The following EMC3 variants were observed in gnomAD, a reference collection of about 807,000 sequenced individuals.
EMC3 encodes ER membrane protein complex subunit 3.
Under a neutral mutation model 36.6 loss-of-function variants are expected in EMC3, and 13 were observed. The ratio of observed to expected loss-of-function variants is 0.35; its 90% CI spans 0.23 to 0.56. The LOEUF is 0.56. Among genes scored for constraint, EMC3 ranks in the 20% least tolerant of loss-of-function variants. The pLI, the probability that EMC3 is intolerant of heterozygous loss-of-function variation, is 0.84. For synonymous variants in EMC3, 120 were observed against 111.9 expected, an observed-to-expected ratio of 1.07 and a Z score of -0.46; for missense variants, 220 against 324.5, an observed-to-expected ratio of 0.68 and a Z score of 2.47.
chr3:9,985,100 A>G (rs1256600447), intron 1 of EMC3, among the ~76,000 whole-genome samples: 1 of 152,210 alleles, frequency 6.6e-6, no homozygotes, highest in Non-Finnish European at 1.5e-5. Context: ...CTCTCATGCC[A>G]TGTTAGAATT....
At chr3:9,966,963 T>C (rs1289049117) in intron 7 of EMC3, among the ~76,000 whole-genome samples, 1 of 152,198 alleles carries the variant, frequency 6.6e-6, no homozygotes, top group Non-Finnish European at 1.5e-5. Context: ...GTGGCATTAA[T>C]GACATTCACA....
intron 1 of EMC3, among the ~76,000 whole-genome samples, chr3:9,983,863 G>C (rs1307205552): frequency 6.6e-6 from 1 of 152,154 alleles, no homozygotes; most frequent in Non-Finnish European, 1.5e-5. Context: ...GAGTGAGACT[G>C]ATCTGAGTTC....
Position 9,977,407 on chromosome 3 carries a change from T to A in EMC3, c.195A>T (p.Gly65=). 1.2e-6 allele frequency: 2 copies of A among 1,613,102 alleles called. No homozygotes were observed. The highest frequency in any genetic ancestry group is 3.3e-4 in the Middle Eastern group (2 of 6,060). The part of the protein sequence containing the change: ...LIRSRVLREN[G]KYIPKQSFLT... ...TGAGTACCTGTTTGGGAATGTATTT[T>A]CCATTTTCCCTGAGGACTCTGCTTC... Residue 65 remains glycine, a synonymous_variant, in exon 2 of 8, where the codon GGA becomes GGT. Coordinates refer to ENST00000245046, the MANE Select transcript of EMC3 (RefSeq NM_001394674.1).
At chr3:10,008,196 G>A (rs2086284919) in intron 1 of EMC3, 22 of 359,838 alleles carry the variant, frequency 6.1e-5, no homozygotes, top group South Asian at 4.8e-4. Context: ...TCCTGTGAGA[G>A]GGCACATTCC....
At chr3:9,994,404 C>G in intron 1 of EMC3, 3 of 554,958 alleles carry the variant, frequency 5.4e-6, no homozygotes, top group Non-Finnish European at 9.9e-6. Context: ...TTGGTTGGAA[C>G]TTACTGAAGG....
intron 1 of EMC3, among the ~76,000 whole-genome samples, chr3:9,978,557 C>T (rs1293583545): frequency 2.0e-5 from 3 of 151,876 alleles, no homozygotes; most frequent in Admixed American, 6.6e-5. Flanking sequence ...AGGGGCCAGG[C>T]GCAGTGGCTC....
At chr3:9,980,815 ACT>A (rs1271040723) in intron 1 of EMC3, among the ~76,000 whole-genome samples, 1 of 151,882 alleles carries the variant, frequency 6.6e-6, no homozygotes, top group Non-Finnish European at 1.5e-5. Flanking sequence ...TTGAACAGAA[ACT>A]CTGAGAGCAG....
chr3:9,974,002 A>G (rs1475084946), intron 4 of EMC3, among the ~76,000 whole-genome samples: 1 of 152,200 alleles, frequency 6.6e-6, no homozygotes, highest in Non-Finnish European at 1.5e-5. Flanking sequence ...TGGAATATAT[A>G]AGCATAGAAT....
intron 3 of EMC3, 25 bp downstream of exon 3, chr3:9,976,932 A>C (rs764281459): frequency 1.3e-6 from 2 of 1,553,700 alleles, no homozygotes; most frequent in South Asian, 2.4e-5. Flanking sequence ...TCTTCCTTAA[A>C]GATGAGTGAA....
chr3:9,988,226 C>T (rs1007003529), upstream of EMC3: 8 of 587,790 alleles, frequency 1.4e-5, no homozygotes, highest in East Asian at 2.3e-4. Context: ...CAATCCCAGG[C>T]AGACTACAGT....
At chr3:9,984,686 C>T (rs1180795055) in intron 1 of EMC3, among the ~76,000 whole-genome samples, 4 of 152,200 alleles carry the variant, frequency 2.6e-5, no homozygotes, top group Admixed American at 6.5e-5. Flanking sequence ...CCACCATGCC[C>T]GGCCAGTAAG....
intron 1 of EMC3, among the ~76,000 whole-genome samples, chr3:9,997,360 A>G (rs2030564): frequency 0.23 from 34,208 of 151,566 alleles, 4,482 homozygotes; most frequent in African/African-American, 0.36. Context: ...GTGTGCCGCC[A>G]CGCCCAGCCA....
rs567268396 is a variant in EMC3, at chr3:9,992,744, A to C, written c.-241-5842T>G. The stretch of plus-strand genomic sequence containing the variant: ...TTTCTGGGTTTTGTGAAAAGTGTAG[A>C]TACTACCAGGGGAGTGTGTGGAACA... On this transcript the variant is annotated intron_variant, in intron 1 of 8. Coordinates refer to the EMC3 transcript ENST00000470827. The C allele has an allele frequency of 4.4e-4, 281 of 643,202 alleles. 1 individual carries two copies. The highest frequency in any genetic ancestry group is 6.9e-4 in the Non-Finnish European group (255 of 368,992). 39.8% of individuals were successfully genotyped at this position (643,202 alleles called of 1,614,324 possible).
chr3:9,980,550 T>A (rs1173856605), intron 1 of EMC3, among the ~76,000 whole-genome samples: 1 of 142,070 alleles, frequency 7.0e-6, no homozygotes, highest in Non-Finnish European at 1.5e-5. Flanking sequence ...GTTTTGTTTT[T>A]TTTGTTTTTT....
intron 1 of EMC3, chr3:10,008,718 G>A (rs2086291076): frequency 2.9e-6 from 1 of 344,074 alleles, no homozygotes; most frequent in Non-Finnish European, 5.7e-6. Flanking sequence ...CACCCACATA[G>A]CCACTTCCCA....
At chr3:9,979,003 G>C (rs1468343476) in intron 1 of EMC3, among the ~76,000 whole-genome samples, 1 of 152,002 alleles carries the variant, frequency 6.6e-6, no homozygotes, top group Non-Finnish European at 1.5e-5. Context: ...TTTCCTTTCC[G>C]AGTTCTACTC....
chr3:9,977,283 T>C lies in EMC3; in HGVS notation c.213+106A>G, dbSNP rs552404527. 7.6e-5 allele frequency: 82 copies of C among 1,082,202 alleles called. No homozygotes were observed. The African/African-American group carries it at 1.0e-3, about 13-fold the overall frequency. The allele number at this position is 1,082,202 out of a possible 1,614,324, so 67.0% of individuals were successfully genotyped here. Reference sequence around the variant, plus strand: ...CACCACCAGGCCACAGCTTAATTACTAAGTTGCCAACCTTTAGCTTTCCCC... The same window carrying C: ...CACCACCAGGCCACAGCTTAATTACCAAGTTGCCAACCTTTAGCTTTCCCC... On this transcript the variant is annotated intron_variant, in intron 2 of 7. Transcript: ENST00000245046.
At chr3:9,987,974 T>G, upstream of EMC3, 1 of 980,384 alleles carries the variant, frequency 1.0e-6, no homozygotes, top group Non-Finnish European at 1.6e-6. Flanking sequence ...TTGCAGGCTT[T>G]CCAAGTAAAG....
At chr3:10,004,814 G>A (rs1393932810) in intron 1 of EMC3, 1 of 152,386 alleles carries the variant, frequency 6.6e-6, no homozygotes, top group Non-Finnish European at 1.5e-5. Context: ...ACCGTGGAAG[G>A]GAACGGCCCT....
Sources: allele counts gnomAD v4.1 joint callset (sites outside exome capture counted in the v4.1 genomes callset), GRCh38; gene constraint gnomAD v4.1.1; transcripts MANE v1.5; gene names NCBI Gene and HGNC (gene_info 2026-07-23, HGNC 2026-07-21).